CFH: variants seen among roughly 807,000 people sequenced by gnomAD.
CFH encodes the protein complement factor H, also known as H factor 1 (complement).
Under a neutral mutation model 147.3 loss-of-function variants are expected in CFH, and 53 were observed. The ratio of observed to expected loss-of-function variants is 0.36; its 90% confidence interval spans 0.29 to 0.45. The LOEUF is 0.45. Among genes scored for constraint, CFH ranks in the 20% least tolerant of loss-of-function variants. The probability of loss-of-function intolerance (pLI) is 1.00; values close to 1 mark genes in which losing one functional copy is unlikely to be tolerated. For synonymous variants in CFH, 536 were observed against 489.4 expected, an observed-to-expected ratio of 1.10 and a Z score of -1.26; for missense variants, 1,380 against 1,498.0, an observed-to-expected ratio of 0.92 and a Z score of 1.30.
chr1:196,674,349 T>C (rs529955934), intron 3 of CFH, among the ~76,000 whole-genome samples: 1 of 152,310 alleles, frequency 6.6e-6, no homozygotes, highest in East Asian at 1.9e-4. Context: ...ACAGGTTTTA[T>C]AAAATTTAAG....
intron 9 of CFH, among the ~76,000 whole-genome samples, chr1:196,697,277 A>G (rs912060694): frequency 3.9e-5 from 6 of 152,218 alleles, no homozygotes; most frequent in Non-Finnish European, 5.9e-5. Context: ...GCTAATATCC[A>G]GAATCTACAA....
chr1:196,653,012 T>G (rs1301554922), intron 1 of CFH, among the ~76,000 whole-genome samples: 5 of 151,852 alleles, frequency 3.3e-5, no homozygotes, highest in African/African-American at 4.8e-5. Flanking sequence ...ACTGAATGAA[T>G]TACATATTAT....
chr1:196,658,801 G>A (rs549574479), intron 1 of CFH, among the ~76,000 whole-genome samples: 2 of 152,076 alleles, frequency 1.3e-5, no homozygotes, highest in Admixed American at 6.5e-5. Flanking sequence ...AACTCCTGGG[G>A]TCTATTGATC....
chr1:196,677,759 T>C (rs1011385916), intron 5 of CFH, 92 bp downstream of exon 5: 1 of 1,174,644 alleles, frequency 8.5e-7, no homozygotes, highest in African/African-American at 1.5e-5. Context: ...TCAGCAATAT[T>C]AACAATAGCT....
chr1:196,732,139 G>T (rs1291828696), intron 15 of CFH, among the ~76,000 whole-genome samples: 1 of 151,910 alleles, frequency 6.6e-6, no homozygotes, highest in East Asian at 1.9e-4. Context: ...CCACATGGTA[G>T]TATTCCATCT....
chr1:196,745,671 A>G (rs1652980356), intron 20 of CFH, 146 bp from the exon 21 acceptor site: 2 of 1,113,232 alleles, frequency 1.8e-6, no homozygotes, highest in East Asian at 5.0e-5. Flanking sequence ...TTAAAGGGTT[A>G]AAATTTCTTC....
intron 8 of CFH, 53 bp from the exon 9 acceptor site, chr1:196,690,010 C>A: frequency 6.6e-7 from 1 of 1,508,516 alleles, no homozygotes; most frequent in Non-Finnish European, 9.0e-7. Context: ...CTATTTTGAG[C>A]AAATTTATGT....
chr1:196,732,833 A>C (rs147136539), intron 15 of CFH, among the ~76,000 whole-genome samples: 282 of 152,162 alleles, frequency 1.9e-3, no homozygotes, highest in African/African-American at 6.5e-3. Flanking sequence ...TTCATAGTGA[A>C]AGTGAATGTG....
chr1:196,724,584 T>G (rs1669084210), intron 11 of CFH, among the ~76,000 whole-genome samples: 5 of 152,148 alleles, frequency 3.3e-5, no homozygotes, highest in Admixed American at 3.3e-4. Context: ...AGGCTCTTGC[T>G]TCTGTCTTTT....
intron 15 of CFH, among the ~76,000 whole-genome samples, 172 bp downstream of exon 15, chr1:196,728,694 A>G (rs1333280258): frequency 6.6e-6 from 1 of 151,492 alleles, no homozygotes. Context: ...GTGCCCTGTG[A>G]ATTAGTTACC....
At chr1:196,655,187 G>T (rs1666645288) in intron 1 of CFH, among the ~76,000 whole-genome samples, 1 of 152,070 alleles carries the variant, frequency 6.6e-6, no homozygotes, top group African/African-American at 2.4e-5. Flanking sequence ...AATTTCAGTG[G>T]GCGGGGGAGG....
chr1:196,706,112 C>A (rs970134116), intron 9 of CFH, among the ~76,000 whole-genome samples: 9 of 151,722 alleles, frequency 5.9e-5, no homozygotes, highest in African/African-American at 2.2e-4. Flanking sequence ...AGAGACACTC[C>A]CTCTGGGTTC....
chr1:196,702,535 AAAAAC>A (rs56323821), intron 9 of CFH, among the ~76,000 whole-genome samples: 17,204 of 110,582 alleles, frequency 0.16, 1,168 homozygotes, highest in South Asian at 0.33. Context: ...AAAAAAAAAA[AAAAAC>A]ATCCAAAGCA....
chr1:196,689,464 C>A lies in CFH; in HGVS notation c.1009C>A (p.His337Asn), dbSNP rs1342668196. ...AGACATTAAACATGGAGGTCTATAT[C>A]ATGAGAATATGCGTAGACCATACTT... ...YPDIKHGGLY[H>N]ENMRRPYFPV... is the part of the protein sequence containing the mutation. The change falls in exon 8 of 22, where the codon CAT becomes AAT. Residue 337 changes from histidine to asparagine, a missense_variant. Around this residue, in one of 4 missense-constraint regions of CFH, gnomAD observed 167 missense variants for 228.0 expected, o/e 0.73. Transcript: ENST00000367429. 6.2e-7 allele frequency: 1 copy of A among 1,613,188 alleles called. No individual in the cohort carries two copies. Among genetic ancestry groups the A allele is most frequent in the Non-Finnish European group, 8.5e-7 (1 of 1,179,582 alleles).
intron 18 of CFH, 131 bp from the exon 19 acceptor site, chr1:196,741,744 T>A (rs1174479580): frequency 1.3e-6 from 1 of 782,814 alleles, no homozygotes; most frequent in African/African-American, 1.8e-5. Context: ...ATATATTTTC[T>A]CAAGTTATAA....
intron 9 of CFH, among the ~76,000 whole-genome samples, chr1:196,703,828 C>T (rs1668520109): frequency 6.6e-6 from 1 of 151,360 alleles, no homozygotes; most frequent in African/African-American, 2.4e-5. Context: ...GCTAAAAATA[C>T]AAAAAATTAG....
intron 12 of CFH, among the ~76,000 whole-genome samples, chr1:196,726,032 A>C (rs1669128513): frequency 6.6e-6 from 1 of 152,202 alleles, no homozygotes; most frequent in African/African-American, 2.4e-5. Context: ...TGTGGGCTGC[A>C]ACTTAAGTTT....
chr1:196,699,515 A>G (rs1386809761), intron 9 of CFH, among the ~76,000 whole-genome samples: 1 of 152,134 alleles, frequency 6.6e-6, no homozygotes, highest in Non-Finnish European at 1.5e-5. Context: ...GTCTCTTTTC[A>G]TGAGCAAAAG....
intron 15 of CFH, 47 bp from the exon 16 acceptor site, chr1:196,736,775 ATT>A: frequency 1.1e-6 from 1 of 945,078 alleles, no homozygotes; most frequent in Non-Finnish European, 1.4e-6. Context: ...TAATATTTTT[ATT>A]TTTTATTTTT....
Sources: gnomAD v4.1 joint callset for allele counts (sites outside exome capture counted in the v4.1 genomes callset) on GRCh38, gnomAD v4.1.1 for gene constraint, gnomAD v4.1.1 regional missense constraint, MANE v1.5 for transcripts, NCBI Gene and HGNC (gene_info 2026-07-23, HGNC 2026-07-21) for gene names.